ZNF467: variants seen among roughly 807,000 people sequenced by gnomAD.
The protein encoded by ZNF467 is zinc finger protein 467.
ZNF467 carries 51 observed loss-of-function variants against 47.8 expected under a neutral mutation model. The ratio of observed to expected loss-of-function variants is 1.07; its 90% CI spans 0.85 to 1.35. The LOEUF (loss-of-function observed/expected upper bound fraction) is 1.35, where lower values mean the gene tolerates loss of function less well. Ranked by LOEUF, ZNF467 falls within the 40% of genes most tolerant of loss-of-function variation. The probability of loss-of-function intolerance (pLI) is 0.00; values close to 1 mark genes in which losing one functional copy is unlikely to be tolerated. For missense variants in ZNF467, 992 were observed against 858.1 expected, an observed-to-expected ratio of 1.16 and a Z score of -1.95; for synonymous variants, 416 against 372.9, an observed-to-expected ratio of 1.12 and a Z score of -1.33.
chr7:149,765,778 G>A lies in ZNF467; in HGVS notation c.724C>T (p.Arg242Trp). 1 of 1,611,520 alleles carries A rather than the reference G, an allele frequency of 6.2e-7. No individual in the cohort carries two copies. The highest frequency in any genetic ancestry group is 1.1e-5 in the South Asian group (1 of 90,742). ...TRHLRTHTGE[R>W]PYPCAECGKR... is the part of the protein sequence containing the mutation. ...CCGCACTCCGCGCACGGGTAGGGCCGCTCGCCCGTGTGCGTGCGCAGGTGG... is the reference window on the plus strand; with the variant it reads ...CCGCACTCCGCGCACGGGTAGGGCCACTCGCCCGTGTGCGTGCGCAGGTGG... Residue 242 changes from arginine (R) to tryptophan (W), a missense_variant, in exon 5 of 5, where the codon CGG becomes TGG. By Grantham distance (101) the Arg-to-Trp change is moderately radical. Coordinates refer to ENST00000302017, the MANE Select transcript of ZNF467 (RefSeq NM_207336.3).
chr7:149,775,495 C>T (rs1799548101), upstream of ZNF467, among the ~76,000 whole-genome samples: 1 of 152,152 alleles, frequency 6.6e-6, no homozygotes, highest in African/African-American at 2.4e-5. Context: ...TTCATGGGGT[C>T]ATGGCCCTCT....
Position 149,769,278 on chromosome 7 carries a change from G to A in ZNF467, c.152-78C>T. On this transcript the variant is annotated intron_variant, in intron 3 of 4. Transcript: ENST00000302017. The surrounding 1 kb of genome is among the most constrained non-coding windows in gnomAD (Gnocchi z 5.3). Reference sequence around the variant, plus strand: ...AGGGCCCCACTGGTGCTGGGAAGCAGGAGCATTTGAAACCCTGGCTCCAGC... The same window carrying A: ...AGGGCCCCACTGGTGCTGGGAAGCAAGAGCATTTGAAACCCTGGCTCCAGC... 1 of 1,325,802 alleles carries A rather than the reference G, an allele frequency of 7.5e-7. No individual in the cohort carries two copies. Among genetic ancestry groups the A allele is most frequent in the Non-Finnish European group, 1.0e-6 (1 of 981,606 alleles). The allele number at this position is 1,325,802 out of a possible 1,614,324, so 82.1% of individuals were successfully genotyped here. A position where few individuals can be genotyped will look rare whatever the true frequency, so the allele number is the denominator to read the frequency against.
At chr7:149,776,505 G>A (rs369518197), upstream of ZNF467, 11 of 1,314,300 alleles carry the variant, frequency 8.4e-6, no homozygotes, top group East Asian at 2.1e-4. Flanking sequence ...GGTCCCCAGC[G>A]CCTGGGCTCT....
intron 3 of ZNF467, 112 bp downstream of exon 3, chr7:149,770,327 GA>G: frequency 3.2e-6 from 2 of 625,000 alleles, no homozygotes. Flanking sequence ...AGGAAGGAAG[GA>G]AAGAAGGAAG....
At chr7:149,767,732 T>A (rs985199443) in intron 4 of ZNF467, among the ~76,000 whole-genome samples, 1 of 152,104 alleles carries the variant, frequency 6.6e-6, no homozygotes, top group Non-Finnish European at 1.5e-5. Context: ...TTCTTACTTT[T>A]TCAGAGATGG....
chr7:149,776,345 G>A (rs1372355008), upstream of ZNF467: 1 of 1,361,004 alleles, frequency 7.3e-7, no homozygotes. Context: ...ATCATGGGCA[G>A]GCGGTGGTGT....
chr7:149,775,708 T>TACACACACACACAC (rs3085320), upstream of ZNF467, among the ~76,000 whole-genome samples: 8 of 138,894 alleles, frequency 5.8e-5, no homozygotes, highest in African/African-American at 1.6e-4. Context: ...AGTGTGAAAA[T>TACACACACACACAC]ACACACACAC....
chr7:149,776,303 AGAGG>A (rs1178096354), upstream of ZNF467: 2 of 1,327,178 alleles, frequency 1.5e-6, no homozygotes, highest in African/African-American at 3.4e-5. Context: ...TTTTGGTGAC[AGAGG>A]GAATGGTGGC....
At chr7:149,770,247 T>A (rs1799352454) in intron 3 of ZNF467, among the ~76,000 whole-genome samples, 193 bp downstream of exon 3, 1 of 150,978 alleles carries the variant, frequency 6.6e-6, no homozygotes, top group Non-Finnish European at 1.5e-5. Context: ...ATTTGGTCAC[T>A]GAGGTATTCC....
rs778959827 is a variant in ZNF467 at position 149,764,694 on chromosome 7, G to C, written c.*20C>G. 3.8e-6 allele frequency: 6 copies of C among 1,582,838 alleles called. No individual in the cohort carries two copies. Among genetic ancestry groups the C allele is most frequent in the Non-Finnish European group, 5.2e-6 (6 of 1,161,268 alleles). On this transcript the variant is annotated 3_prime_UTR_variant, in exon 5 of 5. Transcript: ENST00000302017. ...CCTCTCGAAACTGTGGGCAAGAAAG[G>C]GTCCTCGTGAGAACTAGGCTCAGAA...
rs376967203 is a variant in ZNF467, at chr7:149,764,783, C to T, written c.1719G>A (p.Pro573=). The change falls in exon 5 of 5, where the codon CCG becomes CCA. Residue 573 remains proline (P), a synonymous_variant. Transcript: ENST00000302017. ...LIHGEAAHAA[P]DAALAAPAWS... ...AGGCTGGGGCCGCAAGGGCGGCGTCCGGGGCCGCGTGGGCGGCTTCGCCGT... is the reference window on the plus strand; with the variant it reads ...AGGCTGGGGCCGCAAGGGCGGCGTCTGGGGCCGCGTGGGCGGCTTCGCCGT... The T allele has an allele frequency of 2.6e-6, 4 of 1,523,530 alleles. No individual in the cohort carries two copies. The highest frequency in any genetic ancestry group is 3.5e-6 in the Non-Finnish European group (4 of 1,136,174). The allele number at this position is 1,523,530 out of a possible 1,614,324, so 94.4% of individuals were successfully genotyped here. A position where few individuals can be genotyped will look rare whatever the true frequency, so the allele number is the denominator to read the frequency against.
intron 1 of ZNF467, among the ~76,000 whole-genome samples, chr7:149,772,083 C>T (rs1002625543): frequency 2.9e-5 from 4 of 137,586 alleles, no homozygotes; most frequent in African/African-American, 1.1e-4. Context: ...CTTTTCCTTC[C>T]TCGCCAACCC....
upstream of ZNF467, among the ~76,000 whole-genome samples, chr7:149,774,050 G>A (rs1799509511): frequency 6.6e-6 from 1 of 151,988 alleles, no homozygotes; most frequent in South Asian, 2.1e-4. The surrounding 1 kb of genome is among the most constrained non-coding windows in gnomAD (Gnocchi z 5.7). Context: ...GCAAGGCTGG[G>A]ACGGGGCTGG....
upstream of ZNF467, chr7:149,776,004 C>T (rs1336289947): frequency 7.4e-7 from 1 of 1,355,800 alleles, no homozygotes; most frequent in East Asian, 4.6e-5. Context: ...GAGCCCAAGC[C>T]TCACGTTCCC....
upstream of ZNF467, among the ~76,000 whole-genome samples, chr7:149,775,127 T>C (rs1799539602): frequency 6.6e-6 from 1 of 152,134 alleles, no homozygotes; most frequent in Admixed American, 6.5e-5. Flanking sequence ...GCCCCAGGGC[T>C]GGGGGAGCTG....
upstream of ZNF467, among the ~76,000 whole-genome samples, chr7:149,775,708 T>C (rs1392231154): frequency 2.2e-5 from 3 of 138,892 alleles, no homozygotes; most frequent in South Asian, 2.4e-4. Flanking sequence ...AGTGTGAAAA[T>C]ACACACACAC....
chr7:149,770,094 C>T lies in ZNF467; in HGVS notation c.151+346G>A, dbSNP rs150174408. On this transcript the variant is annotated intron_variant, in intron 3 of 4. Coordinates refer to ENST00000302017, the MANE Select transcript of ZNF467 (RefSeq NM_207336.3). Reference sequence around the variant, plus strand: ...CCCCCACCTGCAGCTGTCTCGGCCCCCTTCAACCTGCTTCACTGGACATTA... The same window carrying T: ...CCCCCACCTGCAGCTGTCTCGGCCCTCTTCAACCTGCTTCACTGGACATTA... Among the ~76,000 whole-genome samples, 589 of 151,426 alleles carry T rather than the reference C, an allele frequency of 3.9e-3. 3 individuals carry two copies. Among genetic ancestry groups the T allele is most frequent in the African/African-American group, 0.014 (564 of 41,110 alleles).
At chr7:149,768,155 CTTAT>C (rs1799278650) in intron 4 of ZNF467, among the ~76,000 whole-genome samples, 1 of 152,184 alleles carries the variant, frequency 6.6e-6, no homozygotes, top group Admixed American at 6.5e-5. Flanking sequence ...CACTTTTGTG[CTTAT>C]TTGTGACTTG....
upstream of ZNF467, chr7:149,775,962 C>T (rs997654503): frequency 3.6e-6 from 4 of 1,123,498 alleles, no homozygotes; most frequent in African/African-American, 5.8e-5. Context: ...CACCGCTGGC[C>T]TCTCTGCCCT....
Sources: allele counts gnomAD v4.1 joint callset (sites outside exome capture counted in the v4.1 genomes callset), GRCh38; gene constraint gnomAD v4.1.1; non-coding constraint Gnocchi (gnomAD v3.1); transcripts MANE v1.5; gene names NCBI Gene and HGNC (gene_info 2026-07-23, HGNC 2026-07-21).